The following CEMIP2 variants were observed in gnomAD, a reference collection of about 807,000 sequenced individuals.
The protein encoded by CEMIP2 is cell surface hyaluronidase CEMIP2.
Under a neutral mutation model 146.9 loss-of-function variants are expected in CEMIP2, and 79 were observed. The ratio of observed to expected loss-of-function variants is 0.54; its 90% confidence interval spans 0.45 to 0.65. The LOEUF is 0.65. CEMIP2 is among the 30% of genes least tolerant of loss of function. CEMIP2 has a pLI of 0.00. For synonymous variants in CEMIP2, 601 were observed against 606.3 expected (o/e 0.99, Z 0.13); for missense variants, 1,596 against 1,696.2 (o/e 0.94, Z 1.04).
chr9:71,740,348 CTAA>C (rs745461480), intron 4 of CEMIP2, 116 bp from the exon 5 acceptor site: 195 of 1,292,468 alleles, frequency 1.5e-4, no homozygotes, highest in Non-Finnish European at 2.0e-4. Flanking sequence ...TCGTCAATCC[CTAA>C]TGTTTTTTCT....
rs762702896 is a variant in CEMIP2, at chr9:71,722,477, G to T, written c.2217C>A (p.Asn739Lys). The T allele has an allele frequency of 6.2e-7, 1 of 1,613,710 alleles. No individual in the cohort carries two copies. The highest frequency in any genetic ancestry group is 1.3e-5 in the African/African-American group (1 of 74,920). ...ATTCCCTTGGGTCAGCAGCACTAGA[G>T]TTGGTTGTTTTGACACCTTTGTCAA... ...LFIDKGVKTTNSSAADPREYL... is the reference protein window; with the variant it reads ...LFIDKGVKTTKSSAADPREYL... Residue 739 changes from asparagine to lysine, a missense_variant, in exon 12 of 24, where the codon AAC becomes AAA. Transcript: ENST00000377044.
intron 1 of CEMIP2, among the ~76,000 whole-genome samples, chr9:71,758,853 C>T (rs1167727904): frequency 6.6e-6 from 1 of 152,166 alleles, no homozygotes; most frequent in African/African-American, 2.4e-5. Context: ...TTCCACAGGA[C>T]ATGCCTTCAC....
intron 5 of CEMIP2, among the ~76,000 whole-genome samples, chr9:71,737,356 G>A (rs1823792330): frequency 6.6e-6 from 1 of 150,590 alleles, no homozygotes; most frequent in African/African-American, 2.4e-5. Flanking sequence ...GGAGGCTGAG[G>A]CAGGAGAATC....
Position 71,689,644 on chromosome 9 carries a change from T to G in CEMIP2, c.3851+448A>C, listed in dbSNP as rs1822169284. Among the ~76,000 whole-genome samples the G allele has an allele frequency of 2.6e-5, 4 of 152,328 alleles. No homozygotes were observed. In the South Asian group the frequency reaches 8.3e-4, roughly 32 times the overall value. On this transcript the variant is annotated intron_variant, in intron 22 of 23. Transcript: ENST00000377044. ...GTGCAATGCTGTCCAAGACCGTCAGTGCGACAGAGGGTTGCAAAGGTAAAC... is the reference window on the plus strand; with the variant it reads ...GTGCAATGCTGTCCAAGACCGTCAGGGCGACAGAGGGTTGCAAAGGTAAAC...
intron 1 of CEMIP2, among the ~76,000 whole-genome samples, chr9:71,765,712 T>C (rs1033647639): frequency 6.6e-6 from 1 of 152,204 alleles, no homozygotes; most frequent in Admixed American, 6.5e-5. Context: ...GACCTTCTAA[T>C]TGTTCATTTC....
At chr9:71,687,690 TAAAAAC>T (rs952605036) in intron 22 of CEMIP2, among the ~76,000 whole-genome samples, 8 of 151,784 alleles carry the variant, frequency 5.3e-5, no homozygotes, top group African/African-American at 1.7e-4. Context: ...ATAATAAAAT[TAAAAAC>T]AAAAACAAAA....
chr9:71,760,664 C>A (rs535700469), intron 1 of CEMIP2, among the ~76,000 whole-genome samples: 1 of 143,582 alleles, frequency 7.0e-6, no homozygotes, highest in Non-Finnish European at 1.6e-5. Context: ...GAAAAAACTG[C>A]AGACCTACTA....
chr9:71,767,484 A>T (rs1202268829), intron 1 of CEMIP2, among the ~76,000 whole-genome samples: 1 of 152,220 alleles, frequency 6.6e-6, no homozygotes, highest in Non-Finnish European at 1.5e-5. Flanking sequence ...TGATAAAAGG[A>T]GATATATATC....
At position 71,715,003 on chromosome 9, in the gene CEMIP2, T is replaced by C; in HGVS notation, c.2522A>G (p.Gln841Arg). 6.2e-7 allele frequency: 1 copy of C among 1,614,020 alleles called. No individual in the cohort carries two copies. The highest frequency in any genetic ancestry group is 8.5e-7 in the Non-Finnish European group (1 of 1,179,938). ...FVGESRNYGF[Q>R]GGQNKYVGTG... Reference sequence around the variant, plus strand: ...GCCTACATACTTGTTCTGACCACCCTGAAAGCCGTAATTCCTGCTCTCCCC... The same window carrying C: ...GCCTACATACTTGTTCTGACCACCCCGAAAGCCGTAATTCCTGCTCTCCCC... The change falls in exon 15 of 24, where the codon CAG becomes CGG. Residue 841 changes from glutamine (Q) to arginine (R), a missense_variant. Transcript: ENST00000377044.
Position 71,740,229 on chromosome 9 carries a change from T to C in CEMIP2, c.1038A>G (p.Gln346=). ...CAATGACACCAACTAAAGCCCAAGCTTGCCTAGAAGGAAAAAGAGCATGTG... is the reference window on the plus strand; with the variant it reads ...CAATGACACCAACTAAAGCCCAAGCCTGCCTAGAAGGAAAAAGAGCATGTG... ...SELIQGLGYR[Q]AWALVGVIDG... is the part of the protein sequence containing the mutation. The change falls in exon 5 of 24, where the codon CAA becomes CAG. Residue 346 remains glutamine (Q), a synonymous_variant. Transcript: ENST00000377044. The C allele has an allele frequency of 1.2e-6, 2 of 1,613,004 alleles. No homozygotes were observed. Among genetic ancestry groups the C allele is most frequent in the Non-Finnish European group, 1.7e-6 (2 of 1,179,926 alleles).
intron 21 of CEMIP2, among the ~76,000 whole-genome samples, chr9:71,691,728 T>A (rs1167266858): frequency 6.6e-6 from 1 of 151,964 alleles, no homozygotes. Context: ...CTCAGCTACT[T>A]GGGAGGCTGA....
rs1241914809 is a variant in CEMIP2, at chr9:71,725,562, T to C, written c.2178+19A>G. ...CACTGTCTAGCATATGTACTAATTG[T>C]TAAAACTTAGAAACCTACCTTAAAA... On this transcript the variant is annotated intron_variant, in intron 11 of 23. Coordinates refer to ENST00000377044, the MANE Select transcript of CEMIP2 (RefSeq NM_013390.3). 6.2e-7 allele frequency: 1 copy of C among 1,612,114 alleles called. No homozygotes were observed. The highest frequency in any genetic ancestry group is 1.1e-5 in the South Asian group (1 of 90,942).
At chr9:71,703,646 C>G (rs1343449495) in intron 18 of CEMIP2, among the ~76,000 whole-genome samples, 1 of 152,104 alleles carries the variant, frequency 6.6e-6, no homozygotes, top group Non-Finnish European at 1.5e-5. Context: ...CCACATGTAT[C>G]TAGATTGATA....
chr9:71,728,108 G>A (rs1370891587), intron 10 of CEMIP2, among the ~76,000 whole-genome samples: 1 of 149,270 alleles, frequency 6.7e-6, no homozygotes, highest in Non-Finnish European at 1.5e-5. Context: ...GCTCATGACT[G>A]TAATCCTAAA....
At chr9:71,692,424 ACT>A (rs551480569) in intron 21 of CEMIP2, among the ~76,000 whole-genome samples, 22 of 146,212 alleles carry the variant, frequency 1.5e-4, no homozygotes, top group African/African-American at 5.7e-4. Context: ...GAACAGTGAG[ACT>A]CAGCACCCAC....
chr9:71,710,913 A>T (rs1164455878), intron 16 of CEMIP2, among the ~76,000 whole-genome samples: 1 of 152,178 alleles, frequency 6.6e-6, no homozygotes, highest in Non-Finnish European at 1.5e-5. Flanking sequence ...GTTGTAGAAA[A>T]CCAGACATAG....
At chr9:71,743,052 T>C (rs1208279622) in intron 4 of CEMIP2, among the ~76,000 whole-genome samples, 1 of 152,138 alleles carries the variant, frequency 6.6e-6, no homozygotes, top group Non-Finnish European at 1.5e-5. Flanking sequence ...GACCCCCATC[T>C]CTATTTAAAA....
In CEMIP2 at chr9:71,698,188, G is replaced by A. The variant is rs369936435; in HGVS notation, c.3394C>T (p.Leu1132Phe). The change falls in exon 20 of 24, where the codon CTC becomes TTC. Residue 1132 changes from leucine (L) to phenylalanine (F), a missense_variant. Transcript: ENST00000377044. ...CCATGCCTGTGGCTTTTGGCTTTGA[G>A]ATACAAAAACAGTAACCTGCACAAA... The part of the protein sequence containing the change: ...DSSTGLLFLY[L>F]KAKSHRHGHS... 5.0e-6 allele frequency: 8 copies of A among 1,613,992 alleles called. No individual in the cohort carries two copies. The highest frequency in any genetic ancestry group is 1.3e-5 in the African/African-American group (1 of 74,908).
chr9:71,730,885 A>C lies in CEMIP2; in HGVS notation c.1593T>G (p.Leu531=), dbSNP rs1271348138. The C allele has an allele frequency of 6.2e-7, 1 of 1,614,108 alleles. No individual in the cohort carries two copies. The highest frequency in any genetic ancestry group is 1.3e-5 in the African/African-American group (1 of 74,950). The change falls in exon 8 of 24, where the codon CTT becomes CTG. Residue 531 remains leucine, a synonymous_variant. Transcript: ENST00000377044. ...MIMKNFTSVH[L]SYVELKHMGQ... is the part of the protein sequence containing the mutation. Reference sequence around the variant, plus strand: ...CCATGTGTTTCAATTCCACATAAGAAAGATGGACTGAAGTAAAATTTTTCA... The same window carrying C: ...CCATGTGTTTCAATTCCACATAAGACAGATGGACTGAAGTAAAATTTTTCA...
Sources: allele counts gnomAD v4.1 joint callset (sites outside exome capture counted in the v4.1 genomes callset), GRCh38; gene constraint gnomAD v4.1.1; transcripts MANE v1.5; gene names NCBI Gene and HGNC (gene_info 2026-07-23, HGNC 2026-07-21).